Variants in INPP4B observed in about 807,000 individuals in gnomAD.
The protein encoded by INPP4B is inositol polyphosphate-4-phosphatase type II B.
Under a neutral mutation model 122.5 loss-of-function variants are expected in INPP4B, and 55 were observed. That is an observed-to-expected ratio of 0.45 (90% CI 0.36 to 0.56). The LOEUF (loss-of-function observed/expected upper bound fraction) is 0.56. INPP4B is among the 20% of genes least tolerant of loss of function. INPP4B has a pLI of 0.00. For missense variants in INPP4B, 1,000 were observed against 1,097.7 expected (o/e 0.91, Z 1.26); for synonymous variants, 403 against 388.7 (o/e 1.04, Z -0.43).
At chr4:142,520,098 T>C (rs1825894051) in intron 2 of INPP4B, among the ~76,000 whole-genome samples, 1 of 152,094 alleles carries the variant, frequency 6.6e-6, no homozygotes, top group African/African-American at 2.4e-5. Context: ...ATACAAATTA[T>C]ATTTCTGCAA....
intron 2 of INPP4B, among the ~76,000 whole-genome samples, chr4:142,607,842 C>G (rs779175912): frequency 4.6e-5 from 7 of 152,040 alleles, no homozygotes; most frequent in Non-Finnish European, 1.0e-4. Flanking sequence ...GAAGAAAAGA[C>G]AAGACCTTTC....
chr4:142,493,131 C>A (rs932035067), intron 2 of INPP4B, among the ~76,000 whole-genome samples: 1 of 152,156 alleles, frequency 6.6e-6, no homozygotes, highest in Non-Finnish European at 1.5e-5. Context: ...TGTGGGTGCA[C>A]AGAAGTCAAG....
intron 2 of INPP4B, among the ~76,000 whole-genome samples, chr4:142,640,624 A>G (rs1750178528): frequency 6.6e-6 from 1 of 152,090 alleles, no homozygotes; most frequent in Non-Finnish European, 1.5e-5. Context: ...GAGATAAATT[A>G]AAAATTTTTA....
At chr4:142,758,115 A>G (rs1770765289) in intron 1 of INPP4B, among the ~76,000 whole-genome samples, 1 of 152,192 alleles carries the variant, frequency 6.6e-6, no homozygotes, top group Admixed American at 6.6e-5. Context: ...AATAGTTTTT[A>G]AAAAGATATT....
intron 16 of INPP4B, among the ~76,000 whole-genome samples, chr4:142,166,385 T>C (rs150935949): frequency 6.6e-6 from 1 of 151,854 alleles, no homozygotes; most frequent in Non-Finnish European, 1.5e-5. Context: ...TTACAAAAAC[T>C]AACTCAAGAT....
chr4:142,554,601 A>T (rs1430160707), intron 2 of INPP4B, among the ~76,000 whole-genome samples: 2 of 152,120 alleles, frequency 1.3e-5, no homozygotes, highest in Non-Finnish European at 2.9e-5. Context: ...ACCTTACATC[A>T]AACTACCCCT....
intron 1 of INPP4B, among the ~76,000 whole-genome samples, chr4:142,787,600 T>C (rs1352418834): frequency 6.6e-6 from 1 of 152,132 alleles, no homozygotes; most frequent in East Asian, 1.9e-4. Context: ...CAACTTATTT[T>C]ATACATTGAG....
At chr4:142,586,847 A>G (rs1316383578) in intron 2 of INPP4B, among the ~76,000 whole-genome samples, 1 of 152,192 alleles carries the variant, frequency 6.6e-6, no homozygotes, top group Non-Finnish European at 1.5e-5. Context: ...TGAACTAGCC[A>G]GGAAAGAGGC....
chr4:142,393,382 T>C (rs1561998968), intron 7 of INPP4B, among the ~76,000 whole-genome samples: 2 of 152,242 alleles, frequency 1.3e-5, no homozygotes, highest in Non-Finnish European at 2.9e-5. Flanking sequence ...ACGTAGATCC[T>C]AGAACAGACC....
intron 12 of INPP4B, among the ~76,000 whole-genome samples, chr4:142,220,506 A>T (rs1390108625): frequency 6.6e-6 from 1 of 152,222 alleles, no homozygotes; most frequent in Non-Finnish European, 1.5e-5. Context: ...ATTCATAACA[A>T]TTCATTGAAA....
At chr4:142,604,964 A>G (rs1330340070) in intron 2 of INPP4B, among the ~76,000 whole-genome samples, 3 of 152,154 alleles carry the variant, frequency 2.0e-5, no homozygotes, top group Non-Finnish European at 4.4e-5. Context: ...CCTAATTTCA[A>G]AACCTATTAG....
At chr4:142,572,493 T>C (rs1733046299) in intron 2 of INPP4B, among the ~76,000 whole-genome samples, 2 of 152,088 alleles carry the variant, frequency 1.3e-5, no homozygotes, top group Admixed American at 6.6e-5. Flanking sequence ...CACAACACTA[T>C]ATTTTGAAAA....
intron 1 of INPP4B, among the ~76,000 whole-genome samples, chr4:142,804,984 G>T (rs1778501478): frequency 6.6e-6 from 1 of 152,026 alleles, no homozygotes; most frequent in Non-Finnish European, 1.5e-5. Context: ...AAGAGGGCAG[G>T]ACTCTATCTG....
intron 1 of INPP4B, among the ~76,000 whole-genome samples, chr4:142,845,556 G>C (rs1482801244): frequency 6.6e-6 from 1 of 152,196 alleles, no homozygotes; most frequent in Non-Finnish European, 1.5e-5. Flanking sequence ...TGATGGCCGA[G>C]AGAAGACATG....
chr4:142,223,175 T>C, intron 12 of INPP4B, among the ~76,000 whole-genome samples: 1 of 151,424 alleles, frequency 6.6e-6, no homozygotes, highest in Non-Finnish European at 1.5e-5. Context: ...CCAGGGCTGT[T>C]CCACACATAT....
In INPP4B at chr4:142,347,422, T is replaced by C. The variant is rs533928842; in HGVS notation, c.373-32660A>G. On this transcript the variant is annotated intron_variant, in intron 7 of 25. Transcript: ENST00000262992. ...CTGAGGGAAAAGTGCAGCCCTTATC[T>C]TTATGAAGCACTTGAAGTATTGCAT... 9.1e-5 allele frequency: 36 copies of C among 395,476 alleles called. 1 individual carries two copies. The highest frequency in any genetic ancestry group is 6.5e-4 in the South Asian group (34 of 52,618). 24.5% of individuals were successfully genotyped at this position (395,476 alleles called of 1,614,324 possible).
intron 13 of INPP4B, 90 bp from the exon 14 acceptor site, chr4:142,208,619 A>AG: frequency 1.5e-6 from 1 of 679,152 alleles, no homozygotes; most frequent in Non-Finnish European, 2.3e-6. Flanking sequence ...AAATGTTAAA[A>AG]TAACTTCAGA....
intron 2 of INPP4B, among the ~76,000 whole-genome samples, chr4:142,667,425 A>G (rs1756277028): frequency 1.3e-5 from 2 of 152,162 alleles, no homozygotes; most frequent in Non-Finnish European, 1.5e-5. Context: ...ACTGTAATGC[A>G]CTGTATTGGC....
intron 17 of INPP4B, among the ~76,000 whole-genome samples, chr4:142,159,744 C>CGA (rs989986785): frequency 6.6e-6 from 1 of 151,952 alleles, no homozygotes; most frequent in Non-Finnish European, 1.5e-5. Flanking sequence ...TTTCTCCCAT[C>CGA]ATATTCGGCC....
Sources: allele counts gnomAD v4.1 joint callset (sites outside exome capture counted in the v4.1 genomes callset), GRCh38; gene constraint gnomAD v4.1.1; transcripts MANE v1.5; gene names NCBI Gene and HGNC (gene_info 2026-07-23, HGNC 2026-07-21).